The following RABGAP1L variants were observed in gnomAD, a reference collection of about 807,000 sequenced individuals.
RABGAP1L encodes rab GTPase-activating protein 1-like.
In RABGAP1L, 63 loss-of-function variants were observed where a neutral mutation model predicts 137.7. The observed-to-expected ratio is 0.46, with a 90% CI of 0.37 to 0.56. The LOEUF (loss-of-function observed/expected upper bound fraction) is 0.56. RABGAP1L is among the 20% of genes least tolerant of loss of function. The pLI is 0.00. For synonymous variants in RABGAP1L, 431 were observed against 433.7 expected (o/e 0.99, Z 0.08); for missense variants, 1,095 against 1,244.0 (o/e 0.88, Z 1.80).
chr1:174,283,855 CTCATGGAGTATCACT>C (rs1675805136), intron 10 of RABGAP1L, among the ~76,000 whole-genome samples: 2 of 152,160 alleles, frequency 1.3e-5, no homozygotes, highest in Admixed American at 6.5e-5. Context: ...CATGGCCTGT[CTCATGGAGTATCACT>C]TCATTTATTT....
At chr1:174,784,011 C>CT (rs3085670) in intron 18 of RABGAP1L, among the ~76,000 whole-genome samples, 1,799 of 52,126 alleles carry the variant, frequency 0.035, 354 homozygotes, top group African/African-American at 0.1. Flanking sequence ...TCTTCTTCTT[C>CT]TTTTTTTTTT....
At chr1:174,691,030 C>T (rs919875138) in intron 15 of RABGAP1L, among the ~76,000 whole-genome samples, 4 of 151,900 alleles carry the variant, frequency 2.6e-5, no homozygotes, top group Admixed American at 6.6e-5. Flanking sequence ...TGATGTTTCA[C>T]CATGTGGGCC....
intron 17 of RABGAP1L, among the ~76,000 whole-genome samples, chr1:174,722,422 C>G (rs1681629870): frequency 6.6e-6 from 1 of 150,670 alleles, no homozygotes; most frequent in Admixed American, 6.6e-5. Flanking sequence ...ATATGACTAG[C>G]TTTTCCCATT....
chr1:174,614,036 T>A (rs1671538233), intron 13 of RABGAP1L, among the ~76,000 whole-genome samples: 1 of 152,234 alleles, frequency 6.6e-6, no homozygotes, highest in South Asian at 2.1e-4. Context: ...GTCTTTTAAT[T>A]GGAGCATTTA....
In RABGAP1L at chr1:174,241,551, G is replaced by T. The variant is rs575173120; in HGVS notation, c.611G>T (p.Arg204Leu). The change falls in exon 5 of 26, where the codon CGT becomes CTT. Residue 204 changes from arginine to leucine, a missense_variant. By Grantham distance (102) the Arg-to-Leu change is moderately radical. This residue lies in a region of RABGAP1L where 356 missense variants were observed against 326.3 expected (regional missense o/e 1.09). Transcript: ENST00000681986. ...ATCTATAAGGTGTTATTCTGTGCACGTGGACATGACGGAACAACAGAGAGC... is the reference window on the plus strand; with the variant it reads ...ATCTATAAGGTGTTATTCTGTGCACTTGGACATGACGGAACAACAGAGAGC... ...FPIYKVLFCA[R>L]GHDGTTESNC... 2 of 1,612,996 alleles carry T rather than the reference G, an allele frequency of 1.2e-6. No homozygotes were observed. Among genetic ancestry groups the T allele is most frequent in the East Asian group, 2.2e-5 (1 of 44,870 alleles).
At chr1:174,818,424 A>G (rs985512292) in intron 19 of RABGAP1L, among the ~76,000 whole-genome samples, 1 of 152,246 alleles carries the variant, frequency 6.6e-6, no homozygotes, top group Non-Finnish European at 1.5e-5. Context: ...ACGAAAAGAC[A>G]TCCTTAATGG....
At chr1:174,403,460 A>G (rs1311646837) in intron 13 of RABGAP1L, among the ~76,000 whole-genome samples, 1 of 152,056 alleles carries the variant, frequency 6.6e-6, no homozygotes, top group Non-Finnish European at 1.5e-5. Flanking sequence ...ATCTTGGAAC[A>G]TTGTCCCAAC....
intron 13 of RABGAP1L, among the ~76,000 whole-genome samples, chr1:174,547,021 C>G (rs1490656032): frequency 3.1e-5 from 3 of 95,624 alleles, no homozygotes. Flanking sequence ...AAGAGCGAGA[C>G]TCTGTCTCAA....
At chr1:174,518,293 G>C (rs1009410560) in intron 13 of RABGAP1L, among the ~76,000 whole-genome samples, 23 of 152,070 alleles carry the variant, frequency 1.5e-4, no homozygotes, top group Non-Finnish European at 2.4e-4. Flanking sequence ...CAGTATCTAG[G>C]GGGGATTGGT....
At chr1:174,866,248 T>C (rs1342287049) in intron 19 of RABGAP1L, among the ~76,000 whole-genome samples, 1 of 145,916 alleles carries the variant, frequency 6.9e-6, no homozygotes, top group Non-Finnish European at 1.6e-5. Flanking sequence ...CCTCTATATC[T>C]ATCTATAGAA....
chr1:174,839,399 A>G (rs1469403202), intron 19 of RABGAP1L, among the ~76,000 whole-genome samples: 1 of 152,198 alleles, frequency 6.6e-6, no homozygotes, highest in East Asian at 1.9e-4. Context: ...TGGTCAAAGG[A>G]TCCTAATTTA....
At chr1:174,684,034 G>T (rs1340412298) in intron 15 of RABGAP1L, among the ~76,000 whole-genome samples, 1 of 152,326 alleles carries the variant, frequency 6.6e-6, no homozygotes, top group Middle Eastern at 3.4e-3. Context: ...GGGCTAGGAA[G>T]TGGGGTTATA....
In RABGAP1L at chr1:174,622,378, C is replaced by T. The variant is rs181783799; in HGVS notation, c.1711-14997C>T. ...GGTATATACCCAAAGGACTATAAAT[C>T]ATGATGGTGTAAAGACACATGCACA... On this transcript the variant is annotated intron_variant, in intron 13 of 25. Coordinates refer to ENST00000681986, the MANE Select transcript of RABGAP1L (RefSeq NM_001366446.1). Among the ~76,000 whole-genome samples the T allele has an allele frequency of 2.1e-3, 323 of 152,302 alleles. 1 individual carries two copies. Among genetic ancestry groups the T allele is most frequent in the African/African-American group, 7.0e-3 (292 of 41,562 alleles).
chr1:174,584,266 A>C (rs894099538), intron 13 of RABGAP1L, among the ~76,000 whole-genome samples: 8 of 152,210 alleles, frequency 5.3e-5, no homozygotes, highest in African/African-American at 1.9e-4. Context: ...GGTAAAAATT[A>C]TCTCTGAGAT....
At position 174,427,144 on chromosome 1, in the gene RABGAP1L, A is replaced by ATGTGTGTGTGTGTG. The variant is rs57986877; in HGVS notation, c.1710+33026_1710+33039dup. 1.1e-3 allele frequency among the ~76,000 whole-genome samples: 164 copies of ATGTGTGTGTGTGTG among 144,684 alleles called. 1 individual carries two copies. The highest frequency in any genetic ancestry group is 4.2e-3 in the African/African-American group (162 of 39,002). The allele number at this position is 144,684 out of a possible 152,430, so 94.9% of individuals were successfully genotyped here. ...GTTTAACATAAACCTCCGCATGTTT[A>ATGTGTGTGTGTGTG]TGTGTGTGTGTGTGTGTGTGTGTGT... is the stretch of plus-strand genomic sequence containing the variant. On this transcript the variant is annotated intron_variant, in intron 13 of 25. Coordinates refer to ENST00000681986, the MANE Select transcript of RABGAP1L (RefSeq NM_001366446.1).
rs67709003 is a variant in RABGAP1L at position 174,577,210 on chromosome 1, TACACACACACACACACACACACACACAC to T, written c.1711-60137_1711-60110del. On this transcript the variant is annotated intron_variant, in intron 13 of 25. Transcript: ENST00000681986. ...GACCCTGTCTGTTAGGGGGAAAAAA[TACACACACACACACACACACACACACAC>T]ACACACACACACACACACACACACA... is the stretch of plus-strand genomic sequence containing the variant. 2.0e-3 allele frequency among the ~76,000 whole-genome samples: 259 copies of T among 127,082 alleles called. 2 individuals are homozygous for T. The highest frequency in any genetic ancestry group is 8.0e-3 in the Middle Eastern group (2 of 250). 83.4% of individuals were successfully genotyped at this position (127,082 alleles called of 152,430 possible).
chr1:174,731,005 C>A (rs559406615), intron 17 of RABGAP1L, among the ~76,000 whole-genome samples: 1 of 152,150 alleles, frequency 6.6e-6, no homozygotes, highest in East Asian at 1.9e-4. Context: ...AAGAGCATCT[C>A]GCTCTGTTGC....
intron 15 of RABGAP1L, among the ~76,000 whole-genome samples, chr1:174,686,804 C>T (rs1355094656): frequency 2.6e-5 from 4 of 151,482 alleles, no homozygotes; most frequent in Admixed American, 1.3e-4. Flanking sequence ...TACAGGCACA[C>T]GTATCACCAT....
chr1:174,486,154 T>C (rs913964891), intron 13 of RABGAP1L, among the ~76,000 whole-genome samples: 2 of 151,998 alleles, frequency 1.3e-5, no homozygotes, highest in African/African-American at 4.8e-5. Context: ...GTTGATCCCT[T>C]GAACATCTAC....
Sources: allele counts gnomAD v4.1 joint callset (sites outside exome capture counted in the v4.1 genomes callset), GRCh38; gene constraint gnomAD v4.1.1; regional missense constraint gnomAD v4.1.1; transcripts MANE v1.5; gene names NCBI Gene and HGNC (gene_info 2026-07-23, HGNC 2026-07-21).